SOX6: variants seen among roughly 807,000 people sequenced by gnomAD.
SOX6 encodes SRY-box transcription factor 6, also known as transcription factor SOX-6.
In SOX6, 11 loss-of-function variants were observed where a neutral mutation model predicts 97.8. The observed-to-expected ratio is 0.11, with a 90% confidence interval of 0.07 to 0.19. The LOEUF is 0.19. Ranked by LOEUF, SOX6 falls within the 10% of genes least tolerant of loss-of-function variation. The probability of loss-of-function intolerance (pLI) is 1.00; values close to 1 mark genes in which losing one functional copy is unlikely to be tolerated. For synonymous variants in SOX6, 360 were observed against 371.4 expected (o/e 0.97, Z 0.35); for missense variants, 810 against 1,039.5 (o/e 0.78, Z 3.04).
At chr11:16,132,959 A>G (rs187081609) in intron 6 of SOX6, among the ~76,000 whole-genome samples, 20 of 152,288 alleles carry the variant, frequency 1.3e-4, no homozygotes, top group Admixed American at 6.5e-4. Flanking sequence ...AGTAAAAAGT[A>G]TATTATTCAT....
intron 3 of SOX6, among the ~76,000 whole-genome samples, chr11:16,707,610 G>A (rs78277790): frequency 0.038 from 5,711 of 152,260 alleles, 151 homozygotes; most frequent in Non-Finnish European, 0.055. Context: ...GTATTGGGAT[G>A]TGAATTCACT....
intron 4 of SOX6, among the ~76,000 whole-genome samples, chr11:16,527,939 C>T (rs973149928): frequency 2.0e-5 from 3 of 152,134 alleles, no homozygotes; most frequent in Admixed American, 6.6e-5. Flanking sequence ...TGGTACATAA[C>T]AACCTCAAAA....
intron 2 of SOX6, chr11:16,715,005 T>C (rs1478089251): frequency 6.6e-6 from 1 of 152,142 alleles, no homozygotes; most frequent in Admixed American, 6.5e-5. Context: ...AAATGACCCA[T>C]TATTAGAGTA....
At chr11:16,187,845 A>AT (rs1288222629) in intron 4 of SOX6, among the ~76,000 whole-genome samples, 1 of 152,174 alleles carries the variant, frequency 6.6e-6, no homozygotes, top group Non-Finnish European at 1.5e-5. Flanking sequence ...TTACCGCAGC[A>AT]TAAGATAAGA....
chr11:16,640,371 CT>C (rs1848888606), intron 3 of SOX6, among the ~76,000 whole-genome samples: 1 of 152,102 alleles, frequency 6.6e-6, no homozygotes, highest in South Asian at 2.1e-4. Context: ...CTAAAATTCT[CT>C]TTTTTTGTTG....
At chr11:16,362,708 T>C (rs1454202190) in intron 1 of SOX6, among the ~76,000 whole-genome samples, 3 of 152,268 alleles carry the variant, frequency 2.0e-5, no homozygotes, top group African/African-American at 7.2e-5. Context: ...CTGTTATGCC[T>C]GCAGAATTCC....
chr11:16,019,520 C>G (rs1854990742), intron 12 of SOX6, among the ~76,000 whole-genome samples: 1 of 152,050 alleles, frequency 6.6e-6, no homozygotes, highest in African/African-American at 2.4e-5. Context: ...TTATGATACT[C>G]TCTACATTGA....
chr11:16,292,459 G>T (rs1227667204), intron 3 of SOX6, among the ~76,000 whole-genome samples: 3 of 152,006 alleles, frequency 2.0e-5, no homozygotes, highest in Admixed American at 1.3e-4. Context: ...AGTGGGAAAA[G>T]ATTGAGTTCT....
chr11:16,469,234 T>C (rs941974561), intron 1 of SOX6, among the ~76,000 whole-genome samples: 13 of 152,246 alleles, frequency 8.5e-5, no homozygotes, highest in Admixed American at 7.8e-4. Context: ...GAGCAGTTTG[T>C]TCTGGTGCTA....
chr11:15,988,580 C>A (rs1051552768), intron 14 of SOX6, among the ~76,000 whole-genome samples: 1 of 152,160 alleles, frequency 6.6e-6, no homozygotes, highest in African/African-American at 2.4e-5. Flanking sequence ...AACACTAAAG[C>A]AGAAAACTGT....
chr11:16,459,451 G>GCCATA (rs1380361312), intron 1 of SOX6, among the ~76,000 whole-genome samples: 11 of 151,908 alleles, frequency 7.2e-5, no homozygotes, highest in Non-Finnish European at 1.3e-4. Context: ...ATACCAAGAA[G>GCCATA]CCACACAAAC....
intron 1 of SOX6, among the ~76,000 whole-genome samples, chr11:16,442,175 C>T (rs1348931000): frequency 2.0e-5 from 3 of 152,176 alleles, no homozygotes; most frequent in African/African-American, 7.2e-5. Context: ...ATTTTCACTG[C>T]TGCTATTTAC....
At chr11:16,349,114 A>G (rs530598101) in intron 1 of SOX6, among the ~76,000 whole-genome samples, 36 of 152,288 alleles carry the variant, frequency 2.4e-4, no homozygotes, top group African/African-American at 8.4e-4. Context: ...ACAAATTAAA[A>G]TGAATATAAT....
At chr11:16,298,143 C>G (rs1855153229) in intron 3 of SOX6, among the ~76,000 whole-genome samples, 1 of 152,120 alleles carries the variant, frequency 6.6e-6, no homozygotes, top group South Asian at 2.1e-4. Flanking sequence ...CTGGGACCCT[C>G]ATTTTAAAAT....
intron 3 of SOX6, among the ~76,000 whole-genome samples, chr11:16,647,841 C>T (rs1392228401): frequency 6.6e-6 from 1 of 152,116 alleles, no homozygotes; most frequent in African/African-American, 2.4e-5. Context: ...GCAGGAAGTG[C>T]CTTGCATGCA....
intron 3 of SOX6, among the ~76,000 whole-genome samples, chr11:16,616,381 A>T (rs1278903765): frequency 6.6e-6 from 1 of 152,130 alleles, no homozygotes. Flanking sequence ...GTTTAAAACT[A>T]AATTTGACTA....
At chr11:16,566,058 T>G (rs1487364342) in intron 4 of SOX6, among the ~76,000 whole-genome samples, 1 of 144,648 alleles carries the variant, frequency 6.9e-6, no homozygotes, top group Non-Finnish European at 1.5e-5. Flanking sequence ...ATCGGGCCAC[T>G]GCACTCCAGC....
At chr11:16,388,174 G>C (rs1417028600) in intron 1 of SOX6, among the ~76,000 whole-genome samples, 1 of 151,992 alleles carries the variant, frequency 6.6e-6, no homozygotes, top group Non-Finnish European at 1.5e-5. Context: ...TGTTTTTTCT[G>C]CATCTATTGA....
intron 1 of SOX6, among the ~76,000 whole-genome samples, chr11:16,394,903 C>T (rs981752309): frequency 1.3e-5 from 2 of 151,760 alleles, no homozygotes; most frequent in African/African-American, 4.8e-5. Flanking sequence ...AAGTGACAGA[C>T]TACACTGAAA....
Sources: allele counts gnomAD v4.1 joint callset (sites outside exome capture counted in the v4.1 genomes callset), GRCh38; gene constraint gnomAD v4.1.1; transcripts MANE v1.5; gene names NCBI Gene and HGNC (gene_info 2026-07-23, HGNC 2026-07-21).